The following PRH1 variants were observed in gnomAD, a reference collection of about 807,000 sequenced individuals.
PRH1 encodes the protein salivary acidic proline-rich phosphoprotein 1/2.
Under a neutral mutation model 7.9 loss-of-function variants are expected in PRH1, and 7 were observed. The observed-to-expected ratio is 0.89, with a 90% CI of 0.50 to 1.67. The LOEUF (loss-of-function observed/expected upper bound fraction) is 1.67, where lower values mean the gene tolerates loss of function less well. Ranked by LOEUF, PRH1 falls within the 40% of genes most tolerant of loss-of-function variation. PRH1 has a pLI of 0.00. For synonymous variants in PRH1, 45 were observed against 80.8 expected (o/e 0.56, Z 2.38); for missense variants, 109 against 223.6 (o/e 0.49, Z 3.27).
At chr12:11,140,930 T>G (rs1251437599) in intron 1 of PRH1, among the ~76,000 whole-genome samples, 1 of 152,150 alleles carries the variant, frequency 6.6e-6, no homozygotes, top group Non-Finnish European at 1.5e-5. Context: ...CAACTTTTCC[T>G]ACCAAAAGCA....
intron 1 of PRH1, among the ~76,000 whole-genome samples, chr12:11,106,859 T>TTTA (rs1240130578): frequency 6.6e-5 from 10 of 152,156 alleles, no homozygotes; most frequent in Middle Eastern, 6.8e-3. Flanking sequence ...TAATATTCTC[T>TTTA]TCAGGTAGTC....
chr12:11,171,301 G>A (rs868551152), intron 1 of PRH1: 2 of 1,143,806 alleles, frequency 1.7e-6, no homozygotes, highest in Middle Eastern at 3.3e-4. Flanking sequence ...TAGGAGGTCC[G>A]CGGGCCCTGC....
intron 1 of PRH1, chr12:10,997,874 ATGTCT>A: frequency 6.4e-7 from 1 of 1,569,364 alleles, no homozygotes; most frequent in Admixed American, 1.9e-5. Context: ...AAAACTCATC[ATGTCT>A]AAACAAAAAA....
intron 1 of PRH1, among the ~76,000 whole-genome samples, chr12:11,138,964 C>T (rs1008849689): frequency 2.6e-5 from 4 of 152,050 alleles, no homozygotes; most frequent in South Asian, 2.1e-4. Context: ...CACTTCAGCC[C>T]GGGTGGCAGA....
At chr12:10,938,166 A>T in intron 2 of PRH1, 1 of 916,038 alleles carries the variant, frequency 1.1e-6, no homozygotes, top group Non-Finnish European at 1.6e-6. Context: ...AAAATTCACA[A>T]AGTTATACAC....
At chr12:11,095,396 A>ATTTT (rs1945050405) in intron 1 of PRH1, among the ~76,000 whole-genome samples, 1 of 15,608 alleles carries the variant, frequency 6.4e-5, no homozygotes, top group Non-Finnish European at 2.2e-4. Flanking sequence ...ATTTTTTGCC[A>ATTTT]TTTGCATATG....
chr12:11,158,744 T>G (rs1426306352), intron 1 of PRH1: 1 of 152,162 alleles, frequency 6.6e-6, no homozygotes, highest in Non-Finnish European at 1.5e-5. Context: ...ATTAAGTTAT[T>G]TCTTTCATAG....
chr12:11,010,623 T>A (rs1426275516), intron 1 of PRH1, among the ~76,000 whole-genome samples: 2 of 151,970 alleles, frequency 1.3e-5, no homozygotes, highest in African/African-American at 4.8e-5. Flanking sequence ...AAAGTAATTG[T>A]ACTTTATAAT....
chr12:11,124,283 T>C (rs1296639268), intron 1 of PRH1, among the ~76,000 whole-genome samples: 1 of 152,296 alleles, frequency 6.6e-6, no homozygotes, highest in Non-Finnish European at 1.5e-5. Context: ...TTTGCTTATG[T>C]TGTAGAAATG....
chr12:10,970,556 T>C (rs1938758727), intron 2 of PRH1, among the ~76,000 whole-genome samples: 1 of 140,382 alleles, frequency 7.1e-6, no homozygotes, highest in African/African-American at 2.6e-5. Flanking sequence ...TAAAGAAAAG[T>C]TTTTTTGTTT....
intron 2 of PRH1, chr12:10,964,707 A>T (rs1158199125): frequency 1.5e-6 from 1 of 651,808 alleles, no homozygotes; most frequent in African/African-American, 1.8e-5. Context: ...GAATCTGGAG[A>T]TCCTTTGCCA....
At chr12:11,062,179 T>A in intron 1 of PRH1, 1 of 1,613,658 alleles carries the variant, frequency 6.2e-7, no homozygotes, top group African/African-American at 1.3e-5. Context: ...AGAGATCTTT[T>A]GTCTCTTGAA....
chr12:11,046,929 C>G, intron 1 of PRH1: 1 of 439,054 alleles, frequency 2.3e-6, no homozygotes, highest in Non-Finnish European at 5.0e-6. Flanking sequence ...GGAGATGATA[C>G]ATTTGTATCA....
intron 2 of PRH1, among the ~76,000 whole-genome samples, chr12:10,967,778 T>C (rs76240864): frequency 1.2e-3 from 181 of 152,354 alleles, no homozygotes; most frequent in African/African-American, 3.9e-3. Flanking sequence ...AAATACACCA[T>C]TGTATTCCAT....
chr12:11,066,234 T>C (rs1050046863), intron 1 of PRH1, among the ~76,000 whole-genome samples: 1 of 152,184 alleles, frequency 6.6e-6, no homozygotes, highest in Non-Finnish European at 1.5e-5. Context: ...ACTTTCGAAC[T>C]CCACCATCAC....
intron 1 of PRH1, among the ~76,000 whole-genome samples, chr12:11,156,799 A>AAT (rs1947263693): frequency 6.6e-6 from 1 of 152,072 alleles, no homozygotes; most frequent in Admixed American, 6.5e-5. Flanking sequence ...AGAAAATACC[A>AAT]ATAATTCTCT....
At chr12:10,939,036 G>T in intron 2 of PRH1, 1 of 1,613,796 alleles carries the variant, frequency 6.2e-7, no homozygotes, top group Non-Finnish European at 8.5e-7. Flanking sequence ...AACCAAACCA[G>T]GCTAATTCGA....
chr12:11,112,683 C>T (rs1307853368), intron 1 of PRH1, among the ~76,000 whole-genome samples: 2 of 152,062 alleles, frequency 1.3e-5, no homozygotes, highest in African/African-American at 4.8e-5. Context: ...TATGACAAAC[C>T]CACAGCCAAT....
intron 1 of PRH1, among the ~76,000 whole-genome samples, chr12:11,056,624 T>C (rs2418290): frequency 0.98 from 148,801 of 152,262 alleles, 72,781 homozygotes; most frequent in Middle Eastern, 1. Flanking sequence ...TCAAGACCAG[T>C]ATGGCCAACA....
Sources: gnomAD v4.1 joint callset for allele counts (sites outside exome capture counted in the v4.1 genomes callset) on GRCh38, gnomAD v4.1.1 for gene constraint, MANE v1.5 for transcripts, NCBI Gene and HGNC (gene_info 2026-07-23, HGNC 2026-07-21) for gene names.